Variants in CSMD3 observed in about 807,000 individuals in gnomAD.
CSMD3 encodes the protein CUB and sushi domain-containing protein 3.
A neutral mutation model predicts 435.2 loss-of-function variants in CSMD3; 177 were observed. The observed-to-expected ratio is 0.41, with a 90% confidence interval of 0.36 to 0.46. The LOEUF (loss-of-function observed/expected upper bound fraction) is 0.46, where lower values mean the gene tolerates loss of function less well. CSMD3 is among the 20% of genes least tolerant of loss of function. The pLI is 0.34. For synonymous variants in CSMD3, 1,656 were observed against 1,520.5 expected, an observed-to-expected ratio of 1.09 and a Z score of -2.07; for missense variants, 4,265 against 4,504.6, an observed-to-expected ratio of 0.95 and a Z score of 1.52.
intron 4 of CSMD3, among the ~76,000 whole-genome samples, chr8:113,140,018 T>C (rs1374218591): frequency 6.0e-5 from 9 of 151,230 alleles, no homozygotes; most frequent in African/African-American, 2.2e-4. Context: ...GTTTCAGACT[T>C]CAAGCATCAG....
At chr8:112,880,990 T>C (rs1405122839) in intron 10 of CSMD3, among the ~76,000 whole-genome samples, 1 of 152,072 alleles carries the variant, frequency 6.6e-6, no homozygotes, top group African/African-American at 2.4e-5. Flanking sequence ...ATGTACAACA[T>C]GGTTTGAAAT....
intron 32 of CSMD3, among the ~76,000 whole-genome samples, chr8:112,410,636 A>T (rs11785883): frequency 1.0e-5 from 1 of 99,964 alleles, no homozygotes; most frequent in African/African-American, 3.4e-5. Flanking sequence ...GTGTATATAT[A>T]TGTATATATA....
At chr8:112,351,274 C>A in intron 39 of CSMD3, 30 bp from the exon 40 acceptor site, 2 of 1,471,946 alleles carry the variant, frequency 1.4e-6, no homozygotes, top group Non-Finnish European at 1.9e-6. Flanking sequence ...TGGTTCAGTA[C>A]ACATACATAA....
chr8:112,960,257 AATG>A (rs2084178552), intron 7 of CSMD3, among the ~76,000 whole-genome samples: 3 of 151,630 alleles, frequency 2.0e-5, no homozygotes, highest in Non-Finnish European at 4.4e-5. Flanking sequence ...AGAGGCTGCT[AATG>A]ATGACTTCTT....
chr8:113,049,568 GAC>G (rs2087995976), intron 5 of CSMD3, among the ~76,000 whole-genome samples: 1 of 152,086 alleles, frequency 6.6e-6, no homozygotes, highest in African/African-American at 2.4e-5. Context: ...AATCACAGCA[GAC>G]ACACACAAAA....
chr8:112,501,160 G>T (rs1821913052), intron 30 of CSMD3, among the ~76,000 whole-genome samples: 1 of 151,214 alleles, frequency 6.6e-6, no homozygotes, highest in Admixed American at 6.6e-5. Flanking sequence ...GTTTGTCCCT[G>T]TCCTTAATCT....
chr8:113,299,737 G>C (rs1588467252), intron 2 of CSMD3, among the ~76,000 whole-genome samples: 1 of 152,286 alleles, frequency 6.6e-6, no homozygotes, highest in East Asian at 1.9e-4. Flanking sequence ...GCTCATGCCT[G>C]TAATCCTAGA....
chr8:113,008,699 C>A (rs2131112010), intron 6 of CSMD3, among the ~76,000 whole-genome samples: 1 of 151,628 alleles, frequency 6.6e-6, no homozygotes, highest in East Asian at 1.9e-4. Context: ...ATGCATCTTT[C>A]TAGTACTATA....
chr8:112,952,343 G>A (rs1406136466), intron 8 of CSMD3, among the ~76,000 whole-genome samples: 1 of 151,500 alleles, frequency 6.6e-6, no homozygotes, highest in Non-Finnish European at 1.5e-5. Context: ...CTGACTTTGG[G>A]CCGTGCCCAT....
chr8:112,554,457 A>G (rs1335218553), intron 25 of CSMD3, among the ~76,000 whole-genome samples: 2 of 151,920 alleles, frequency 1.3e-5, no homozygotes, highest in African/African-American at 2.4e-5. Flanking sequence ...TGTAAACATA[A>G]TTGTATTAAT....
intron 1 of CSMD3, among the ~76,000 whole-genome samples, chr8:113,419,003 C>G (rs1190586121): frequency 6.6e-6 from 1 of 151,618 alleles, no homozygotes; most frequent in Non-Finnish European, 1.5e-5. Context: ...TTGGGGCCAT[C>G]GTGATAAATA....
chr8:112,303,557 A>AAAAC (rs960329413), intron 52 of CSMD3, among the ~76,000 whole-genome samples: 37 of 152,210 alleles, frequency 2.4e-4, no homozygotes, highest in African/African-American at 6.5e-4. Flanking sequence ...TCTTTCTCAA[A>AAAAC]AAACAAACAA....
At chr8:112,561,097 A>G (rs2131248657) in intron 24 of CSMD3, among the ~76,000 whole-genome samples, 1 of 151,840 alleles carries the variant, frequency 6.6e-6, no homozygotes, top group Non-Finnish European at 1.5e-5. Context: ...TATATAAGCT[A>G]CAAAGCACAA....
At chr8:113,212,712 G>T (rs1033233152) in intron 3 of CSMD3, among the ~76,000 whole-genome samples, 4 of 151,676 alleles carry the variant, frequency 2.6e-5, no homozygotes, top group Non-Finnish European at 5.9e-5. Flanking sequence ...CACAGGAAGG[G>T]GAACCTCACA....
intron 13 of CSMD3, among the ~76,000 whole-genome samples, chr8:112,770,917 A>G (rs2078097166): frequency 6.6e-6 from 1 of 151,934 alleles, no homozygotes; most frequent in Admixed American, 6.6e-5. Flanking sequence ...AGGATTTTCA[A>G]ACTGATGAGT....
At chr8:112,889,603 T>C (rs2081720631) in intron 10 of CSMD3, among the ~76,000 whole-genome samples, 1 of 151,704 alleles carries the variant, frequency 6.6e-6, no homozygotes, top group Non-Finnish European at 1.5e-5. Flanking sequence ...ATTCAATGAT[T>C]TCATGTCTGC....
intron 24 of CSMD3, among the ~76,000 whole-genome samples, chr8:112,564,631 T>C (rs1478240318): frequency 6.6e-6 from 1 of 152,060 alleles, no homozygotes; most frequent in African/African-American, 2.4e-5. Context: ...TACTCCTGCC[T>C]GTAGCTGCTG....
chr8:112,317,808 C>T (rs7825635), intron 47 of CSMD3, among the ~76,000 whole-genome samples: 29,868 of 151,868 alleles, frequency 0.2, 3,588 homozygotes, highest in East Asian at 0.37. Context: ...ATGCTTAAAA[C>T]CCCATAATAA....
At chr8:112,498,627 C>T (rs1327003397) in intron 30 of CSMD3, among the ~76,000 whole-genome samples, 1 of 152,058 alleles carries the variant, frequency 6.6e-6, no homozygotes, top group African/African-American at 2.4e-5. Flanking sequence ...CAACTTTTAT[C>T]GTAGTGATAT....
Sources: allele counts gnomAD v4.1 joint callset (sites outside exome capture counted in the v4.1 genomes callset), GRCh38; gene constraint gnomAD v4.1.1; transcripts MANE v1.5; gene names NCBI Gene and HGNC (gene_info 2026-07-23, HGNC 2026-07-21).